Variants in NBAS observed in about 807,000 individuals in gnomAD.
The protein encoded by NBAS is NAG/BC035112 fusion.
NBAS carries 219 observed loss-of-function variants against 302.5 expected under a neutral mutation model. The ratio of observed to expected loss-of-function variants is 0.72; its 90% confidence interval spans 0.65 to 0.81. The LOEUF (loss-of-function observed/expected upper bound fraction) is 0.81. Ranked by LOEUF, NBAS falls within the 30% of genes least tolerant of loss-of-function variation. The pLI is 0.00. For synonymous variants in NBAS, 1,118 were observed against 1,021.6 expected (o/e 1.09, Z -1.80); for missense variants, 2,932 against 2,841.6 (o/e 1.03, Z -0.72).
chr2:15,294,746 T>C (rs1670468851), intron 40 of NBAS, among the ~76,000 whole-genome samples: 1 of 152,166 alleles, frequency 6.6e-6, no homozygotes. Flanking sequence ...GATCATGGTT[T>C]TAGGGTGGCA....
intron 38 of NBAS, among the ~76,000 whole-genome samples, chr2:15,319,394 G>A (rs370359392): frequency 6.6e-6 from 1 of 152,034 alleles, no homozygotes; most frequent in African/African-American, 2.4e-5. Flanking sequence ...AAATAACTAA[G>A]ATCAGAGCAG....
the NBAS span, among the ~76,000 whole-genome samples, chr2:15,050,217 T>C: frequency 6.6e-6 from 1 of 152,168 alleles, no homozygotes; most frequent in Non-Finnish European, 1.5e-5. Context: ...TCCCCTCCCA[T>C]GCGCCACTAC....
chr2:15,037,685 C>T, the NBAS span, among the ~76,000 whole-genome samples: 1 of 152,080 alleles, frequency 6.6e-6, no homozygotes, highest in Non-Finnish European at 1.5e-5. Flanking sequence ...AGAAAACAAG[C>T]CTTTTTTATT....
At chr2:15,157,112 G>A in the NBAS span, among the ~76,000 whole-genome samples, 2 of 152,224 alleles carry the variant, frequency 1.3e-5, no homozygotes, top group Admixed American at 1.3e-4. Flanking sequence ...TCTGCTCTAA[G>A]TTGCACCCCA....
At chr2:14,932,322 GA>G in the NBAS span, among the ~76,000 whole-genome samples, 70 of 152,338 alleles carry the variant, frequency 4.6e-4, 2 homozygotes, top group South Asian at 7.3e-3. Context: ...ATGACAGATA[GA>G]AGTCCAGAGT....
At chr2:15,395,903 C>T (rs1252548955) in intron 27 of NBAS, among the ~76,000 whole-genome samples, 1 of 152,010 alleles carries the variant, frequency 6.6e-6, no homozygotes, top group Non-Finnish European at 1.5e-5. Flanking sequence ...TTTATTACAA[C>T]AGTAGAGAAT....
chr2:15,089,119 A>G, the NBAS span, among the ~76,000 whole-genome samples: 1 of 152,146 alleles, frequency 6.6e-6, no homozygotes, highest in East Asian at 1.9e-4. Context: ...GACAAAATAC[A>G]AATGGTTTTG....
chr2:14,935,138 G>C, the NBAS span, among the ~76,000 whole-genome samples: 201 of 151,852 alleles, frequency 1.3e-3, no homozygotes, highest in African/African-American at 4.7e-3. Context: ...CACCATTTTT[G>C]TTTTCCCCTC....
chr2:15,436,570 C>G (rs1344157422), intron 21 of NBAS, among the ~76,000 whole-genome samples: 1 of 152,084 alleles, frequency 6.6e-6, no homozygotes, highest in Non-Finnish European at 1.5e-5. Context: ...AAATATGGCA[C>G]GTTAACCTCA....
In NBAS at chr2:15,442,322, C is replaced by T. The variant is rs944201688; in HGVS notation, c.2340-14528G>A. Among the ~76,000 whole-genome samples, 717 of 149,786 alleles carry T rather than the reference C, an allele frequency of 4.8e-3. 3 individuals are homozygous for T. Among genetic ancestry groups the T allele is most frequent in the African/African-American group, 0.016 (635 of 40,490 alleles). On this transcript the variant is annotated intron_variant, in intron 21 of 51. Transcript: ENST00000281513. The stretch of plus-strand genomic sequence containing the variant: ...ACTATCTCTCAGACCACAGTGCAAT[C>T]AAACTAGAACTCAGGATTAAGAAAC...
chr2:15,466,311 G>C (rs1047389409), intron 19 of NBAS, among the ~76,000 whole-genome samples: 2 of 152,186 alleles, frequency 1.3e-5, no homozygotes, highest in African/African-American at 4.8e-5. Flanking sequence ...AAGGGAGGCA[G>C]AACACAGACT....
chr2:15,196,606 T>C (rs1037052285), intron 48 of NBAS, among the ~76,000 whole-genome samples: 13 of 152,070 alleles, frequency 8.5e-5, no homozygotes, highest in Non-Finnish European at 4.4e-5. Context: ...AATCATGATG[T>C]AAAAATAAAG....
chr2:15,475,857 T>C lies in NBAS; in HGVS notation c.1171A>G (p.Ile391Val), dbSNP rs755337855. ...IKDKESFYPL[I>V]DVNWWADSAV... ...CTGTCTGCCCACCAATTGACATCTA[T>C]CAGTGGGTAAAAGGACTCTTTATCT... Residue 391 changes from isoleucine to valine, a missense_variant, in exon 14 of 52, where the codon ATA (isoleucine) becomes GTA (valine). Physicochemically the swap from Ile to Val is conservative, Grantham distance 29. Transcript: ENST00000281513. 2 of 1,613,830 alleles carry C rather than the reference T, an allele frequency of 1.2e-6. No individual in the cohort carries two copies. Among genetic ancestry groups the C allele is most frequent in the African/African-American group, 1.3e-5 (1 of 75,028 alleles).
At chr2:15,318,779 G>C (rs1208234436) in intron 38 of NBAS, among the ~76,000 whole-genome samples, 1 of 152,126 alleles carries the variant, frequency 6.6e-6, no homozygotes, top group Non-Finnish European at 1.5e-5. Context: ...AAGAGACTTA[G>C]ACTCCCACAC....
chr2:15,474,412 T>TA, intron 14 of NBAS, 88 bp from the exon 15 acceptor site: 2 of 1,324,054 alleles, frequency 1.5e-6, no homozygotes, highest in Non-Finnish European at 2.1e-6. Context: ...TTTCTAAATC[T>TA]ACTCTGGTTT....
At chr2:14,848,785 C>T in the NBAS span, among the ~76,000 whole-genome samples, 1 of 151,858 alleles carries the variant, frequency 6.6e-6, no homozygotes, top group Non-Finnish European at 1.5e-5. Flanking sequence ...CCCTGAGCAG[C>T]CTAACTGGGA....
the NBAS span, among the ~76,000 whole-genome samples, chr2:14,860,725 G>A: frequency 6.6e-6 from 1 of 152,130 alleles, no homozygotes; most frequent in Non-Finnish European, 1.5e-5. Context: ...GGTGATTAAT[G>A]GGTACAAATA....
At chr2:15,364,235 G>C (rs1674082172) in intron 32 of NBAS, among the ~76,000 whole-genome samples, 1 of 152,152 alleles carries the variant, frequency 6.6e-6, no homozygotes, top group South Asian at 2.1e-4. Context: ...AGCTAGATTT[G>C]AAAATGCCTT....
At chr2:14,790,841 GTGTTT>G in the NBAS span, among the ~76,000 whole-genome samples, 742 of 151,638 alleles carry the variant, frequency 4.9e-3, 11 homozygotes, top group African/African-American at 0.017. Flanking sequence ...GTATGTATGT[GTGTTT>G]TGTTTTGTTT....
Sources: allele counts gnomAD v4.1 joint callset (sites outside exome capture counted in the v4.1 genomes callset), GRCh38; gene constraint gnomAD v4.1.1; transcripts MANE v1.5; gene names NCBI Gene and HGNC (gene_info 2026-07-23, HGNC 2026-07-21).